Variants in CFAP54 observed in about 807,000 individuals in gnomAD.
CFAP54 encodes cilia and flagella associated protein 54.
Under a neutral mutation model 370.4 loss-of-function variants are expected in CFAP54, and 290 were observed. The ratio of observed to expected loss-of-function variants is 0.78; its 90% CI spans 0.71 to 0.86. The LOEUF (loss-of-function observed/expected upper bound fraction) is 0.86. CFAP54 is among the 40% of genes least tolerant of loss of function. CFAP54 has a pLI of 0.00. For synonymous variants in CFAP54, 1,206 were observed against 1,236.5 expected (o/e 0.98, Z 0.52); for missense variants, 3,399 against 3,528.7 (o/e 0.96, Z 0.93).
chr12:96,654,500 C>CG (rs1555278222), intron 36 of CFAP54, among the ~76,000 whole-genome samples: 1 of 135,320 alleles, frequency 7.4e-6, no homozygotes, highest in Non-Finnish European at 1.6e-5. Context: ...GACTCCGTCT[C>CG]AAAAAAAAAA....
At chr12:96,870,510 C>T (rs901841087) in intron 67 of CFAP54, among the ~76,000 whole-genome samples, 6 of 152,268 alleles carry the variant, frequency 3.9e-5, no homozygotes, top group Non-Finnish European at 5.9e-5. Flanking sequence ...TCAGTTTTCT[C>T]GTCTGTAAAT....
intron 50 of CFAP54, among the ~76,000 whole-genome samples, chr12:96,725,260 CT>C (rs1957817703): frequency 1.3e-5 from 2 of 151,082 alleles, no homozygotes; most frequent in Admixed American, 6.6e-5. Context: ...TATAAATTAC[CT>C]TGGGCAGTAT....
At chr12:96,574,286 G>T (rs1213705398) in intron 19 of CFAP54, among the ~76,000 whole-genome samples, 2 of 151,936 alleles carry the variant, frequency 1.3e-5, no homozygotes, top group Non-Finnish European at 2.9e-5. Context: ...AACAGCACAG[G>T]TTTTTTTCTG....
chr12:96,691,984 C>T lies in CFAP54; in HGVS notation c.6264+674C>T, dbSNP rs116892904. Among the ~76,000 whole-genome samples the T allele has an allele frequency of 8.9e-3, 1,344 of 151,860 alleles. 13 individuals carry two copies. The highest frequency in any genetic ancestry group is 0.016 in the Non-Finnish European group (1,057 of 67,892). ...ATGTTCTTTCCTTATTTTTTCGCATCTCTTTTTCTCCTTTGTTTGCTTCTT... is the reference window on the plus strand; with the variant it reads ...ATGTTCTTTCCTTATTTTTTCGCATTTCTTTTTCTCCTTTGTTTGCTTCTT... On this transcript the variant is annotated intron_variant, in intron 44 of 67. Coordinates refer to ENST00000524981, the MANE Select transcript of CFAP54 (RefSeq NM_001306084.2).
At chr12:96,805,520 T>C (rs964410466) in intron 63 of CFAP54, among the ~76,000 whole-genome samples, 1 of 150,130 alleles carries the variant, frequency 6.7e-6, no homozygotes, top group African/African-American at 2.5e-5. Flanking sequence ...AATATTAAAA[T>C]GACAATAAGA....
intron 55 of CFAP54, among the ~76,000 whole-genome samples, chr12:96,751,094 G>A (rs1011338501): frequency 1.2e-4 from 18 of 151,982 alleles, no homozygotes; most frequent in Middle Eastern, 3.2e-3. Flanking sequence ...TAAACATCAT[G>A]GTTATTTAAA....
In CFAP54 at chr12:96,721,820, A is replaced by C. The variant is rs115740937; in HGVS notation, c.6965+1255A>C. On this transcript the variant is annotated intron_variant, in intron 50 of 67. Transcript: ENST00000524981. ...CCCTATATTCTAATAGATAATAAACATGCTGGCAATAAACTATAAACACAA... is the reference window on the plus strand; with the variant it reads ...CCCTATATTCTAATAGATAATAAACCTGCTGGCAATAAACTATAAACACAA... 4.2e-3 allele frequency among the ~76,000 whole-genome samples: 634 copies of C among 152,320 alleles called. 2 individuals are homozygous for C. The highest frequency in any genetic ancestry group is 0.015 in the African/African-American group (608 of 41,570).
At chr12:96,527,563 G>A (rs201560409) in intron 9 of CFAP54, 119 bp downstream of exon 9, 2 of 561,020 alleles carry the variant, frequency 3.6e-6, no homozygotes, top group African/African-American at 4.7e-5. Flanking sequence ...TTTTTTTTTT[G>A]TTTGGTTGTT....
intron 26 of CFAP54, among the ~76,000 whole-genome samples, chr12:96,612,241 C>T (rs901556262): frequency 2.6e-5 from 4 of 152,328 alleles, no homozygotes; most frequent in Admixed American, 6.5e-5. Flanking sequence ...ATTCAACATT[C>T]TTAAAGAAAA....
intron 67 of CFAP54, among the ~76,000 whole-genome samples, chr12:96,868,051 A>AG: frequency 6.6e-6 from 1 of 152,304 alleles, no homozygotes; most frequent in Admixed American, 6.5e-5. Flanking sequence ...TTTAAAAAAA[A>AG]GACTCATACC....
At chr12:96,603,453 G>A (rs867011449) in intron 26 of CFAP54, among the ~76,000 whole-genome samples, 1 of 152,114 alleles carries the variant, frequency 6.6e-6, no homozygotes, top group Non-Finnish European at 1.5e-5. Context: ...CTCTTCTTGA[G>A]GAGTATCTTT....
In CFAP54 at chr12:96,540,928, G is replaced by T; in HGVS notation, c.2018G>T (p.Arg673Leu). The T allele has an allele frequency of 1.3e-6, 2 of 1,519,466 alleles. No individual in the cohort carries two copies. Among genetic ancestry groups the T allele is most frequent in the South Asian group, 1.3e-5 (1 of 79,888 alleles). The allele number at this position is 1,519,466 out of a possible 1,614,324, so 94.1% of individuals were successfully genotyped here. A position where few individuals can be genotyped will look rare whatever the true frequency, so the allele number is the denominator to read the frequency against. ...GTGGTAGTGGCAGAAGTCACATTACGGTTAAGTGAAATATTGGAATCTTTA... is the reference window on the plus strand; with the variant it reads ...GTGGTAGTGGCAGAAGTCACATTACTGTTAAGTGAAATATTGGAATCTTTA... ...DIVVVAEVTL[R>L]LSEILESLGS... Residue 673 changes from arginine (R) to leucine (L), a missense_variant, in exon 14 of 68, where the codon CGG becomes CTG. Coordinates refer to ENST00000524981, the MANE Select transcript of CFAP54 (RefSeq NM_001306084.2).
intron 55 of CFAP54, among the ~76,000 whole-genome samples, chr12:96,750,184 C>T (rs1958166475): frequency 6.6e-6 from 1 of 152,198 alleles, no homozygotes; most frequent in Admixed American, 6.5e-5. Context: ...TCCAAGGCTG[C>T]CTGCCCTGGT....
chr12:96,866,527 A>G (rs975385061), intron 67 of CFAP54, among the ~76,000 whole-genome samples: 12 of 152,160 alleles, frequency 7.9e-5, no homozygotes, highest in Non-Finnish European at 1.5e-5. Context: ...AATAGGTCTA[A>G]AACCAGATTC....
At chr12:96,676,656 C>G (rs1017411526) in intron 39 of CFAP54, among the ~76,000 whole-genome samples, 1 of 152,150 alleles carries the variant, frequency 6.6e-6, no homozygotes, top group African/African-American at 2.4e-5. Flanking sequence ...AGCGATTCTC[C>G]TGCCTCAGCC....
Position 96,756,404 on chromosome 12 carries a change from G to A in CFAP54, c.7841-54G>A. On this transcript the variant is annotated intron_variant, in intron 56 of 67. Transcript: ENST00000524981. Reference sequence around the variant, plus strand: ...TCCAGCATGAAATATTTGTTCTTAAGTTCTAAGTGCTAGAAAAAGGAAAAA... The same window carrying A: ...TCCAGCATGAAATATTTGTTCTTAAATTCTAAGTGCTAGAAAAAGGAAAAA... 3 of 986,076 alleles carry A rather than the reference G, an allele frequency of 3.0e-6. No individual in the cohort carries two copies. In the South Asian group the frequency reaches 4.6e-5, roughly 15 times the overall value. 61.1% of individuals were successfully genotyped at this position (986,076 alleles called of 1,614,324 possible).
chr12:96,693,651 C>G, intron 44 of CFAP54, 71 bp from the exon 45 acceptor site: 1 of 1,006,974 alleles, frequency 9.9e-7, no homozygotes, highest in Non-Finnish European at 1.5e-6. Flanking sequence ...TAATATTTGG[C>G]TAAATTTGAT....
chr12:96,564,514 G>A lies in CFAP54; in HGVS notation c.2457G>A (p.Pro819=), dbSNP rs117613570. 7,854 of 698,476 alleles carry A rather than the reference G, an allele frequency of 0.011. 283 individuals are homozygous for A. The highest frequency in any genetic ancestry group is 0.075 in the Admixed American group (3,733 of 49,706). 43.3% of individuals were successfully genotyped at this position (698,476 alleles called of 1,614,324 possible). A position where few individuals can be genotyped will look rare whatever the true frequency, so the allele number is the denominator to read the frequency against. The change falls in exon 18 of 68, where the codon CCG becomes CCA. Residue 819 remains proline (P), a synonymous_variant. Coordinates refer to ENST00000524981, the MANE Select transcript of CFAP54 (RefSeq NM_001306084.2). The part of the protein sequence containing the change: ...TVSKDISTKG[P]EKLKQSGSTD... ...GCAAAGATATTTCTACCAAGGGTCC[G>A]GAAAAGTTAAAACAATCTGGAAGCA... is the stretch of plus-strand genomic sequence containing the variant.
intron 66 of CFAP54, among the ~76,000 whole-genome samples, chr12:96,852,281 A>C (rs1959568218): frequency 6.6e-6 from 1 of 152,076 alleles, no homozygotes; most frequent in South Asian, 2.1e-4. Flanking sequence ...GAGGATAGGT[A>C]GGTAGGTGGG....
Sources: allele counts gnomAD v4.1 joint callset (sites outside exome capture counted in the v4.1 genomes callset), GRCh38; gene constraint gnomAD v4.1.1; transcripts MANE v1.5; gene names NCBI Gene and HGNC (gene_info 2026-07-23, HGNC 2026-07-21).